MLLT3: variants seen among roughly 807,000 people sequenced by gnomAD.
The protein encoded by MLLT3 is MLLT3 super elongation complex subunit, also known as protein AF-9.
In MLLT3, 4 loss-of-function variants were observed where a neutral mutation model predicts 53.2. That is an observed-to-expected ratio of 0.08 (90% CI 0.04 to 0.17). The LOEUF (loss-of-function observed/expected upper bound fraction) is 0.17. Among genes scored for constraint, MLLT3 ranks in the 10% least tolerant of loss-of-function variants. The pLI is 1.00. For synonymous variants in MLLT3, 283 were observed against 230.6 expected (o/e 1.23, Z -2.06); for missense variants, 569 against 684.0 (o/e 0.83, Z 1.87).
At chr9:20,574,377 T>A (rs962683041) in intron 2 of MLLT3, among the ~76,000 whole-genome samples, 2 of 152,238 alleles carry the variant, frequency 1.3e-5, no homozygotes, top group Non-Finnish European at 2.9e-5. Context: ...AAAGTCACTA[T>A]GGTGTAAAGT....
chr9:20,606,326 G>C (rs1820567456), intron 2 of MLLT3, among the ~76,000 whole-genome samples: 1 of 151,890 alleles, frequency 6.6e-6, no homozygotes, highest in South Asian at 2.1e-4. Flanking sequence ...CAGGAGGTGG[G>C]GGAGGGGTGA....
chr9:20,351,969 G>T (rs1299092970), intron 10 of MLLT3, among the ~76,000 whole-genome samples: 1 of 152,228 alleles, frequency 6.6e-6, no homozygotes. Flanking sequence ...GTGAAATGCT[G>T]TGTGCCCTGG....
intron 2 of MLLT3, among the ~76,000 whole-genome samples, chr9:20,541,568 A>C (rs967141493): frequency 1.3e-5 from 2 of 152,188 alleles, no homozygotes; most frequent in Non-Finnish European, 2.9e-5. Context: ...AAAACTTCAG[A>C]TCTCATGAGA....
Position 20,590,440 on chromosome 9 carries a change from C to A in MLLT3, c.193+30214G>T, listed in dbSNP as rs181973406. 8.0e-3 allele frequency among the ~76,000 whole-genome samples: 1,219 copies of A among 152,288 alleles called. 4 individuals carry two copies. Among genetic ancestry groups the A allele is most frequent in the Non-Finnish European group, 0.014 (920 of 68,022 alleles). On this transcript the variant is annotated intron_variant, in intron 2 of 10. Coordinates refer to ENST00000380338, the MANE Select transcript of MLLT3 (RefSeq NM_004529.4). ...GGTGATTAGACCATGGGGGCAGTTTCCCCCACGCTGTTCTCATGATAGTGA... is the reference window on the plus strand; with the variant it reads ...GGTGATTAGACCATGGGGGCAGTTTACCCCACGCTGTTCTCATGATAGTGA...
At chr9:20,477,971 G>C (rs955786266) in intron 2 of MLLT3, among the ~76,000 whole-genome samples, 4 of 152,212 alleles carry the variant, frequency 2.6e-5, no homozygotes, top group African/African-American at 9.6e-5. Flanking sequence ...TCCAGCCTTT[G>C]CAACTTCATC....
chr9:20,433,302 T>A (rs982972624), intron 4 of MLLT3, among the ~76,000 whole-genome samples: 1 of 152,050 alleles, frequency 6.6e-6, no homozygotes, highest in African/African-American at 2.4e-5. Context: ...ACTGGCCAAG[T>A]CAGGAAAATT....
At chr9:20,397,294 T>C (rs1477784896) in intron 5 of MLLT3, among the ~76,000 whole-genome samples, 1 of 152,182 alleles carries the variant, frequency 6.6e-6, no homozygotes, top group African/African-American at 2.4e-5. Context: ...CTAAAACATT[T>C]AATTAACATA....
chr9:20,372,307 C>T (rs1821626707), intron 5 of MLLT3, among the ~76,000 whole-genome samples: 1 of 152,184 alleles, frequency 6.6e-6, no homozygotes, highest in Non-Finnish European at 1.5e-5. Context: ...TCTAAAAGAT[C>T]TACTGCACTA....
Position 20,342,322 on chromosome 9 carries a change from C to T in MLLT3, c.*4121G>A, listed in dbSNP as rs1227406324. 4.4e-6 allele frequency: 1 copy of T among 225,146 alleles called. No individual in the cohort carries two copies. Among genetic ancestry groups the T allele is most frequent in the African/African-American group, 2.2e-5 (1 of 44,868 alleles). 13.9% of individuals were successfully genotyped at this position (225,146 alleles called of 1,614,324 possible). A position where few individuals can be genotyped will look rare whatever the true frequency, so the allele number is the denominator to read the frequency against. The stretch of plus-strand genomic sequence containing the variant: ...TCTTACAGTGTGCCTTGAATTCACA[C>T]AAAAGCATGTACACATACACAATGT... On this transcript the variant is annotated 3_prime_UTR_variant, in exon 11 of 11. Transcript: ENST00000380338.
intron 2 of MLLT3, among the ~76,000 whole-genome samples, chr9:20,522,548 C>T (rs1818090420): frequency 6.6e-6 from 1 of 152,032 alleles, no homozygotes; most frequent in Non-Finnish European, 1.5e-5. Context: ...TATTTATTCC[C>T]TCTTGTTTCA....
chr9:20,515,800 C>G (rs887616369), intron 2 of MLLT3, among the ~76,000 whole-genome samples: 1 of 152,150 alleles, frequency 6.6e-6, no homozygotes, highest in African/African-American at 2.4e-5. Context: ...GAGGATCTCC[C>G]CATTGACCTT....
chr9:20,517,519 T>TA (rs1477174316), intron 2 of MLLT3, among the ~76,000 whole-genome samples: 1 of 151,308 alleles, frequency 6.6e-6, no homozygotes, highest in Non-Finnish European at 1.5e-5. Flanking sequence ...AAGGTGTGCC[T>TA]AGATCATCCT....
chr9:20,422,266 T>A (rs1051454780), intron 4 of MLLT3, among the ~76,000 whole-genome samples: 1 of 152,036 alleles, frequency 6.6e-6, no homozygotes, highest in African/African-American at 2.4e-5. Flanking sequence ...CTTTGGAAGG[T>A]TTTACTTGTT....
intron 2 of MLLT3, among the ~76,000 whole-genome samples, chr9:20,494,426 A>ATTAAGAAATAATGGT (rs1490619846): frequency 7.9e-5 from 12 of 152,312 alleles, no homozygotes; most frequent in African/African-American, 2.9e-4. Context: ...TCAACTTAAA[A>ATTAAGAAATAATGGT]TTAAGAAATA....
chr9:20,435,014 A>T lies in MLLT3; in HGVS notation c.420+13109T>A, dbSNP rs78869602. Among the ~76,000 whole-genome samples, 829 of 151,470 alleles carry T rather than the reference A, an allele frequency of 5.5e-3. 9 individuals are homozygous for T. Among genetic ancestry groups the T allele is most frequent in the African/African-American group, 0.018 (743 of 41,308 alleles). ...ATTTACACAAAAGATCAGCATTCTT[A>T]AAAAAAAATGTTGTTTTTGCCATCC... is the stretch of plus-strand genomic sequence containing the variant. On this transcript the variant is annotated intron_variant, in intron 4 of 10. Transcript: ENST00000380338.
intron 2 of MLLT3, among the ~76,000 whole-genome samples, chr9:20,615,850 T>C (rs529204008): frequency 6.8e-6 from 1 of 147,594 alleles, no homozygotes; most frequent in South Asian, 2.2e-4. Flanking sequence ...GACCTAGTTG[T>C]CTTCTATTAA....
intron 4 of MLLT3, among the ~76,000 whole-genome samples, chr9:20,417,567 C>A (rs1012956003): frequency 6.6e-6 from 1 of 151,846 alleles, no homozygotes; most frequent in Non-Finnish European, 1.5e-5. Context: ...TTAGGACAAA[C>A]TGAATATCAA....
At chr9:20,377,525 T>C (rs560144855) in intron 5 of MLLT3, among the ~76,000 whole-genome samples, 1 of 152,148 alleles carries the variant, frequency 6.6e-6, no homozygotes, top group Admixed American at 6.5e-5. Context: ...CTAAAAGATA[T>C]ATATCTGAAG....
chr9:20,515,653 G>A (rs1239899786), intron 2 of MLLT3, among the ~76,000 whole-genome samples: 1 of 152,124 alleles, frequency 6.6e-6, no homozygotes, highest in Non-Finnish European at 1.5e-5. Context: ...AGAATGGCCA[G>A]GCAGCTAAAT....
Sources: gnomAD v4.1 joint callset for allele counts (sites outside exome capture counted in the v4.1 genomes callset) on GRCh38, gnomAD v4.1.1 for gene constraint, MANE v1.5 for transcripts, NCBI Gene and HGNC (gene_info 2026-07-23, HGNC 2026-07-21) for gene names.